Variants in CPAP observed in about 807,000 individuals in gnomAD.
CPAP encodes centrosome assembly and centriole elongation protein, also known as centrosomal P4.1-associated protein.
the CPAP span, chr13:24,905,393 T>G: frequency 1.9e-6 from 3 of 1,614,176 alleles, no homozygotes; most frequent in Non-Finnish European, 2.5e-6. Context: ...ATTTCCCAAG[T>G]GTGAATCTGA....
At chr13:24,894,785 C>T in the CPAP span, among the ~76,000 whole-genome samples, 1 of 151,718 alleles carries the variant, frequency 6.6e-6, no homozygotes, top group African/African-American at 2.4e-5. Flanking sequence ...GACACGCCCT[C>T]GGGGTGCAAA....
chr13:24,924,123 G>A, the CPAP span, among the ~76,000 whole-genome samples: 74 of 152,180 alleles, frequency 4.9e-4, 1 homozygote, highest in Admixed American at 7.8e-4. Context: ...GTGAGCCACC[G>A]CGCCCGGCCC....
At chr13:24,894,378 C>G in the CPAP span, among the ~76,000 whole-genome samples, 5 of 152,158 alleles carry the variant, frequency 3.3e-5, no homozygotes, top group African/African-American at 1.2e-4. Context: ...AGAGAAGCCT[C>G]GAGAATGATT....
At chr13:24,912,901 TTGTC>T in the CPAP span, 24 of 1,614,200 alleles carry the variant, frequency 1.5e-5, no homozygotes, top group Non-Finnish European at 1.9e-5. Flanking sequence ...TCGCTTCTCT[TTGTC>T]TGCTTCCAAA....
At chr13:24,882,325 T>TTGA in the CPAP span, 1 of 151,804 alleles carries the variant, frequency 6.6e-6, no homozygotes, top group African/African-American at 2.4e-5. Context: ...TCACCTGGAA[T>TTGA]TGATAGATTT....
chr13:24,882,839 G>A, the CPAP span: 1 of 328,108 alleles, frequency 3.0e-6, no homozygotes, highest in South Asian at 2.8e-5. Context: ...ATGTGTCTGT[G>A]GGACATCTAG....
the CPAP span, chr13:24,909,937 C>T: frequency 6.2e-7 from 1 of 1,614,140 alleles, no homozygotes; most frequent in Admixed American, 1.7e-5. Context: ...TTGCTTTGCT[C>T]ATGGGATAAA....
chr13:24,930,981 C>G, the CPAP span, among the ~76,000 whole-genome samples: 1 of 152,076 alleles, frequency 6.6e-6, no homozygotes, highest in East Asian at 1.9e-4. Flanking sequence ...ATATGTTGTT[C>G]CTTGACTTTT....
the CPAP span, chr13:24,892,671 A>G: frequency 2.5e-6 from 4 of 1,613,982 alleles, no homozygotes; most frequent in Non-Finnish European, 3.4e-6. Context: ...CTCCACCTCG[A>G]GGCTGCTCTC....
At chr13:24,892,703 G>T in the CPAP span, 2 of 1,614,056 alleles carry the variant, frequency 1.2e-6, no homozygotes, top group Non-Finnish European at 1.7e-6. Flanking sequence ...CTCTCTTCCA[G>T]GCATCCAGTC....
At chr13:24,915,113 A>C in the CPAP span, among the ~76,000 whole-genome samples, 1 of 152,098 alleles carries the variant, frequency 6.6e-6, no homozygotes, top group Non-Finnish European at 1.5e-5. Flanking sequence ...TAAATTAATA[A>C]AAAGCAATTC....
At chr13:24,883,193 A>C in the CPAP span, 2 of 1,614,082 alleles carry the variant, frequency 1.2e-6, no homozygotes, top group Non-Finnish European at 1.7e-6. Flanking sequence ...CTCCGTGTCC[A>C]TTAGCACATT....
At chr13:24,907,971 C>T in the CPAP span, 3 of 1,252,692 alleles carry the variant, frequency 2.4e-6, no homozygotes, top group Non-Finnish European at 3.5e-6. Context: ...TAAAGGCTAG[C>T]TATTGTACTA....
the CPAP span, chr13:24,885,650 T>C: frequency 6.2e-7 from 1 of 1,612,966 alleles, no homozygotes; most frequent in African/African-American, 1.3e-5. Context: ...GGTGCAGACT[T>C]GGATCTTCGA....
the CPAP span, among the ~76,000 whole-genome samples, chr13:24,921,310 A>G: frequency 6.6e-6 from 1 of 151,842 alleles, no homozygotes; most frequent in Non-Finnish European, 1.5e-5. Context: ...TTTCTCGAAG[A>G]GCGACAGATA....
chr13:24,907,180 C>T, the CPAP span: 1 of 1,611,860 alleles, frequency 6.2e-7, no homozygotes, highest in African/African-American at 1.3e-5. Flanking sequence ...TCTCCAATAG[C>T]AGCTTTAATG....
the CPAP span, among the ~76,000 whole-genome samples, chr13:24,893,453 C>T: frequency 6.6e-6 from 1 of 152,222 alleles, no homozygotes; most frequent in Non-Finnish European, 1.5e-5. Flanking sequence ...GAGCAGGGCA[C>T]CGAAGCCCAT....
the CPAP span, among the ~76,000 whole-genome samples, chr13:24,926,993 TG>T: frequency 3.8e-4 from 58 of 152,196 alleles, no homozygotes; most frequent in African/African-American, 1.4e-3. Flanking sequence ...ATGAGTTGTG[TG>T]AATGACAAAC....
the CPAP span, chr13:24,892,821 T>C: frequency 6.2e-7 from 1 of 1,613,736 alleles, no homozygotes; most frequent in South Asian, 1.1e-5. Flanking sequence ...TTTGGTTTCC[T>C]TTCTTTTCAA....
Sources: allele counts gnomAD v4.1 joint callset (sites outside exome capture counted in the v4.1 genomes callset), GRCh38; gene constraint gnomAD v4.1.1; transcripts MANE v1.5; gene names NCBI Gene and HGNC (gene_info 2026-07-23, HGNC 2026-07-21).